DMAC2L: variants seen among roughly 807,000 people sequenced by gnomAD.
DMAC2L encodes the protein distal membrane arm assembly component 2 like, also known as ATP synthase subunit s, mitochondrial.
DMAC2L carries 21 observed loss-of-function variants against 22.5 expected under a neutral mutation model. The ratio of observed to expected loss-of-function variants is 0.93; its 90% CI spans 0.66 to 1.34. The LOEUF (loss-of-function observed/expected upper bound fraction) is 1.34, where lower values mean the gene tolerates loss of function less well. Ranked by LOEUF, DMAC2L falls within the 40% of genes most tolerant of loss-of-function variation. The probability of loss-of-function intolerance (pLI) is 0.00; values close to 1 mark genes in which losing one functional copy is unlikely to be tolerated. For synonymous variants in DMAC2L, 86 were observed against 89.5 expected, an observed-to-expected ratio of 0.96 and a Z score of 0.22; for missense variants, 239 against 246.5, an observed-to-expected ratio of 0.97 and a Z score of 0.20.
rs2032509347 is a variant in DMAC2L at position 50,324,069 on chromosome 14, C to T, written c.441C>T (p.Ser147=). 1 of 1,613,768 alleles carries T rather than the reference C, an allele frequency of 6.2e-7. No individual in the cohort carries two copies. Among genetic ancestry groups the T allele is most frequent in the South Asian group, 1.1e-5 (1 of 91,012 alleles). ...QKTILEMEII[S]CGNITDKGII... is the part of the protein sequence containing the mutation. Reference sequence around the variant, plus strand: ...CCATATTGGAAATGGAAATAATATCCTGTGGGAATATCACAGACAAAGGCA... The same window carrying T: ...CCATATTGGAAATGGAAATAATATCTTGTGGGAATATCACAGACAAAGGCA... The change falls in exon 5 of 6, where the codon TCC becomes TCT. Residue 147 remains serine, a synonymous_variant. Coordinates refer to ENST00000557421, the MANE Select transcript of DMAC2L (RefSeq NM_001382507.1).
At position 50,326,291 on chromosome 14, in the gene DMAC2L, A is replaced by C. The variant is rs2032699700; in HGVS notation, c.*568A>C. On this transcript the variant is annotated 3_prime_UTR_variant, in exon 6 of 6. Coordinates refer to ENST00000557421, the MANE Select transcript of DMAC2L (RefSeq NM_001382507.1). ...TTTAATTCTAATATATTCATTTAAT[A>C]TGTAAATCTATAGATATCTCTTGAT... 7 of 477,780 alleles carry C rather than the reference A, an allele frequency of 1.5e-5. No homozygotes were observed. The South Asian group carries it at 3.6e-4, about 25-fold the overall frequency. 29.6% of individuals were successfully genotyped at this position (477,780 alleles called of 1,614,324 possible).
intron 1 of DMAC2L, chr14:50,312,887 G>A (rs1219766910): frequency 1.1e-6 from 1 of 882,942 alleles, no homozygotes; most frequent in Admixed American, 2.1e-5. Context: ...TCATTGATTC[G>A]TCTTGTAAAT....
At chr14:50,312,243 CG>C, upstream of DMAC2L, 1 of 1,538,980 alleles carries the variant, frequency 6.5e-7, no homozygotes, top group Non-Finnish European at 8.8e-7. Flanking sequence ...GCCCCTCACG[CG>C]GGGGCCAATG....
chr14:50,314,767 G>A, intron 2 of DMAC2L, 141 bp downstream of exon 2: 1 of 388,600 alleles, frequency 2.6e-6, no homozygotes, highest in Non-Finnish European at 5.1e-6. Flanking sequence ...TCAGCCTCCT[G>A]AGTAGCTGGG....
intron 1 of DMAC2L, chr14:50,312,898 A>G (rs1317887284): frequency 2.0e-6 from 2 of 990,362 alleles, no homozygotes; most frequent in Non-Finnish European, 1.6e-6. Flanking sequence ...TCTTGTAAAT[A>G]TGGAGCGCCT....
At chr14:50,322,334 C>T (rs1319820310) in intron 3 of DMAC2L, among the ~76,000 whole-genome samples, 177 bp from the exon 4 acceptor site, 4 of 139,024 alleles carry the variant, frequency 2.9e-5, no homozygotes, top group Non-Finnish European at 6.3e-5. Context: ...AGCAGATAGA[C>T]TGCAGGTTTT....
At position 50,312,340 on chromosome 14, in the gene DMAC2L, C is replaced by A. The variant is rs1271436334; in HGVS notation, c.-91C>A. 3 of 762,318 alleles carry A rather than the reference C, an allele frequency of 3.9e-6. No individual in the cohort carries two copies. The South Asian group carries it at 5.3e-5, about 13-fold the overall frequency. The allele number at this position is 762,318 out of a possible 1,614,324, so 47.2% of individuals were successfully genotyped here. ...GAGGGCGAAGGGCCGGCCAGGGTGC[C>A]GCAGACGCGGGGACGCTGGCTCGCT... On this transcript the variant is annotated 5_prime_UTR_variant, in exon 1 of 6. Transcript: ENST00000557421.
In DMAC2L at chr14:50,312,904, C is replaced by T. The variant is rs1009922736; in HGVS notation, c.-42+515C>T. ...ATTGATTCGTCTTGTAAATATGGAG[C>T]GCCTGCTCTGTACTCGACCCGGCAC... On this transcript the variant is annotated intron_variant, in intron 1 of 5. Coordinates refer to ENST00000557421, the MANE Select transcript of DMAC2L (RefSeq NM_001382507.1). 1.7e-5 allele frequency: 18 copies of T among 1,043,632 alleles called. 1 individual carries two copies. In the Admixed American group the frequency reaches 3.3e-4, roughly 19 times the overall value. The allele number at this position is 1,043,632 out of a possible 1,614,324, so 64.6% of individuals were successfully genotyped here. A position where few individuals can be genotyped will look rare whatever the true frequency, so the allele number is the denominator to read the frequency against.
upstream of DMAC2L, among the ~76,000 whole-genome samples, chr14:50,311,855 G>T (rs929106483): frequency 2.0e-5 from 3 of 152,228 alleles, no homozygotes; most frequent in Admixed American, 6.5e-5. Flanking sequence ...GAACCTGCAG[G>T]TTGGTAGCTC....
At position 50,326,235 on chromosome 14, in the gene DMAC2L, A is replaced by G. The variant is rs937244129; in HGVS notation, c.*512A>G. 3.8e-5 allele frequency: 16 copies of G among 416,850 alleles called. No individual in the cohort carries two copies. The East Asian group carries it at 2.2e-3, about 58-fold the overall frequency. 25.8% of individuals were successfully genotyped at this position (416,850 alleles called of 1,614,324 possible). A position where few individuals can be genotyped will look rare whatever the true frequency, so the allele number is the denominator to read the frequency against. On this transcript the variant is annotated 3_prime_UTR_variant, in exon 6 of 6. Transcript: ENST00000557421. ...CAGAGCGAGACTGTCTCAAAAAAAAAAAAAAAAGAAAAATGTAAACTAGGT... is the reference window on the plus strand; with the variant it reads ...CAGAGCGAGACTGTCTCAAAAAAAAGAAAAAAAGAAAAATGTAAACTAGGT...
chr14:50,317,075 T>A (rs943874898), intron 2 of DMAC2L, among the ~76,000 whole-genome samples: 1 of 152,200 alleles, frequency 6.6e-6, no homozygotes, highest in Non-Finnish European at 1.5e-5. Flanking sequence ...ATGGGATGTG[T>A]TTCCATTTGT....
chr14:50,325,049 C>T lies in DMAC2L; in HGVS notation c.489-560C>T, dbSNP rs886386117. Among the ~76,000 whole-genome samples, 11 of 152,252 alleles carry T rather than the reference C, an allele frequency of 7.2e-5. 1 individual carries two copies. The highest frequency in any genetic ancestry group is 2.7e-4 in the African/African-American group (11 of 41,458). On this transcript the variant is annotated intron_variant, in intron 5 of 5. Coordinates refer to ENST00000557421, the MANE Select transcript of DMAC2L (RefSeq NM_001382507.1). Reference sequence around the variant, plus strand: ...TCGGCCTCCCAAAGTGCTGGGATTACAGGCGTGAGCCACCGTGCCCGGCCT... The same window carrying T: ...TCGGCCTCCCAAAGTGCTGGGATTATAGGCGTGAGCCACCGTGCCCGGCCT...
chr14:50,321,414 C>G, intron 2 of DMAC2L, 69 bp from the exon 3 acceptor site: 1 of 1,585,266 alleles, frequency 6.3e-7, no homozygotes, highest in South Asian at 1.2e-5. Context: ...AGCATTGACT[C>G]TGAAGTAAGT....
intron 2 of DMAC2L, 98 bp from the exon 3 acceptor site, chr14:50,321,385 T>C: frequency 6.9e-7 from 1 of 1,443,140 alleles, no homozygotes; most frequent in South Asian, 1.5e-5. Context: ...AAGTGAGTCA[T>C]CAGCTTTATC....
chr14:50,318,671 G>A (rs549636612), intron 2 of DMAC2L, among the ~76,000 whole-genome samples: 4 of 151,878 alleles, frequency 2.6e-5, no homozygotes, highest in South Asian at 2.1e-4. Context: ...CTCTTTTTTC[G>A]TTCTAACTGG....
chr14:50,313,609 T>C (rs569553479), intron 1 of DMAC2L, among the ~76,000 whole-genome samples: 20 of 152,334 alleles, frequency 1.3e-4, no homozygotes, highest in Admixed American at 2.6e-4. Flanking sequence ...TGGATTTCCA[T>C]GCAATTGTAA....
intron 1 of DMAC2L, 197 bp downstream of exon 1, chr14:50,312,586 G>A: frequency 3.6e-6 from 1 of 274,564 alleles, no homozygotes; most frequent in Non-Finnish European, 6.9e-6. Flanking sequence ...GTTTGGGCGG[G>A]CCCTGCGGCT....
rs2032358812 is a variant in DMAC2L, at chr14:50,322,479, A to G, written c.108-32A>G. Reference sequence around the variant, plus strand: ...AGTTAACAAGCTAGTGATTATTGTAAAAGCAAACTGCTTTTTTTCTCTTGC... The same window carrying G: ...AGTTAACAAGCTAGTGATTATTGTAGAAGCAAACTGCTTTTTTTCTCTTGC... On this transcript the variant is annotated intron_variant, in intron 3 of 5. Coordinates refer to ENST00000557421, the MANE Select transcript of DMAC2L (RefSeq NM_001382507.1). The G allele has an allele frequency of 4.5e-6, 7 of 1,571,526 alleles. No homozygotes were observed. In the African/African-American group the frequency reaches 9.5e-5, roughly 21 times the overall value.
chr14:50,319,895 T>A (rs914358567), intron 2 of DMAC2L, among the ~76,000 whole-genome samples: 1 of 152,192 alleles, frequency 6.6e-6, no homozygotes, highest in East Asian at 1.9e-4. Context: ...TGCCCCTACA[T>A]CTCACTTAAC....
Sources: gnomAD v4.1 joint callset for allele counts (sites outside exome capture counted in the v4.1 genomes callset) on GRCh38, gnomAD v4.1.1 for gene constraint, MANE v1.5 for transcripts, NCBI Gene and HGNC (gene_info 2026-07-23, HGNC 2026-07-21) for gene names.